DUSP16: variants seen among roughly 807,000 people sequenced by gnomAD.
DUSP16 encodes the protein dual specificity phosphatase 16.
A neutral mutation model predicts 58.3 loss-of-function variants in DUSP16; 21 were observed. The observed-to-expected ratio is 0.36, with a 90% CI of 0.26 to 0.52. The LOEUF (loss-of-function observed/expected upper bound fraction) is 0.52, where lower values mean the gene tolerates loss of function less well. Ranked by LOEUF, DUSP16 falls within the 20% of genes least tolerant of loss-of-function variation. DUSP16 has a pLI of 0.94. For synonymous variants in DUSP16, 320 were observed against 323.8 expected (o/e 0.99, Z 0.12); for missense variants, 726 against 819.0 (o/e 0.89, Z 1.39).
In DUSP16 at chr12:12,519,817, G is replaced by A. The variant is rs750946323; in HGVS notation, c.367+45C>T. The A allele has an allele frequency of 2.5e-6, 4 of 1,606,768 alleles. No homozygotes were observed. The South Asian group carries it at 4.4e-5, about 18-fold the overall frequency. On this transcript the variant is annotated intron_variant, in intron 3 of 6. Coordinates refer to ENST00000298573, the MANE Select transcript of DUSP16 (RefSeq NM_030640.3). ...ACAGTGAAATATGCTTACTCATACA[G>A]CTCAGCAAGATTCTGAGTCCTTTTA...
intron 1 of DUSP16, among the ~76,000 whole-genome samples, chr12:12,534,950 T>C (rs1427003927): frequency 1.3e-5 from 2 of 152,242 alleles, no homozygotes; most frequent in Admixed American, 1.3e-4. Flanking sequence ...ATGTTCCAGA[T>C]ACTAAGTCAG....
intron 1 of DUSP16, among the ~76,000 whole-genome samples, chr12:12,545,409 G>A (rs545806327): frequency 1.0e-3 from 156 of 151,662 alleles, no homozygotes; most frequent in Non-Finnish European, 1.7e-3. Context: ...TGGGGCTACA[G>A]GTGTGCACCA....
intron 4 of DUSP16, among the ~76,000 whole-genome samples, chr12:12,497,864 G>A (rs949938181): frequency 6.6e-6 from 1 of 152,012 alleles, no homozygotes; most frequent in East Asian, 1.9e-4. Context: ...CAGCTACTCG[G>A]GAGGCTGAGG....
chr12:12,478,779 C>G lies in DUSP16; in HGVS notation c.816-764G>C, dbSNP rs143335204. On this transcript the variant is annotated intron_variant, in intron 6 of 6. Coordinates refer to ENST00000298573, the MANE Select transcript of DUSP16 (RefSeq NM_030640.3). ...TAAAGTCACCAGTCACTTCTCAAGA[C>G]AGTTCACATTTTAAATTTAATGACA... Among the ~76,000 whole-genome samples the G allele has an allele frequency of 2.0e-5, 3 of 152,338 alleles. No homozygotes were observed. The East Asian group carries it at 5.8e-4, about 29-fold the overall frequency.
chr12:12,520,027 G>A (rs375637991), intron 2 of DUSP16, 27 bp from the exon 3 acceptor site: 360 of 1,613,288 alleles, frequency 2.2e-4, no homozygotes, highest in Admixed American at 3.2e-4. Flanking sequence ...AGGCTTGTTA[G>A]GAAGAAGGTG....
At chr12:12,484,693 C>T (rs1052905449) in intron 5 of DUSP16, among the ~76,000 whole-genome samples, 6 of 152,088 alleles carry the variant, frequency 3.9e-5, no homozygotes, top group African/African-American at 1.4e-4. Flanking sequence ...GTGGTCTCGG[C>T]TCACTGCAAC....
intron 3 of DUSP16, among the ~76,000 whole-genome samples, chr12:12,513,581 A>C (rs1944107500): frequency 6.6e-6 from 1 of 152,146 alleles, no homozygotes; most frequent in Admixed American, 6.5e-5. Context: ...GAAAGGGCTG[A>C]AGTCTGTGGT....
At chr12:12,507,783 A>G (rs900821303) in intron 3 of DUSP16, among the ~76,000 whole-genome samples, 1 of 152,160 alleles carries the variant, frequency 6.6e-6, no homozygotes, top group African/African-American at 2.4e-5. Context: ...CTAATTTTGT[A>G]TTGTTAGTAA....
intron 1 of DUSP16, among the ~76,000 whole-genome samples, chr12:12,542,620 G>A (rs960155846): frequency 4.0e-5 from 6 of 151,734 alleles, no homozygotes; most frequent in Admixed American, 1.3e-4. Context: ...CGAATTTTAC[G>A]ACTGAAATTA....
intron 1 of DUSP16, among the ~76,000 whole-genome samples, chr12:12,550,272 C>CAA (rs35519025): frequency 1.2e-4 from 12 of 97,430 alleles, no homozygotes; most frequent in African/African-American, 3.9e-4. Flanking sequence ...GACTCCGTCT[C>CAA]AAAAAAAAAA....
At chr12:12,483,781 A>C (rs1284734982) in intron 5 of DUSP16, among the ~76,000 whole-genome samples, 1 of 152,038 alleles carries the variant, frequency 6.6e-6, no homozygotes, top group South Asian at 2.1e-4. Context: ...CTAAAAGACA[A>C]AACTCCACAT....
chr12:12,556,853 A>G (rs539721740), intron 1 of DUSP16, among the ~76,000 whole-genome samples: 1 of 152,346 alleles, frequency 6.6e-6, no homozygotes, highest in East Asian at 1.9e-4. Flanking sequence ...CATAGGGACA[A>G]GAGTTGAACA....
chr12:12,505,041 GT>G (rs1245140209), intron 3 of DUSP16, among the ~76,000 whole-genome samples: 2 of 152,086 alleles, frequency 1.3e-5, no homozygotes, highest in African/African-American at 4.8e-5. Context: ...CACTTACTGC[GT>G]GACAAACATT....
At chr12:12,534,333 A>G (rs978008708) in intron 1 of DUSP16, among the ~76,000 whole-genome samples, 3 of 152,202 alleles carry the variant, frequency 2.0e-5, no homozygotes, top group Admixed American at 6.5e-5. Context: ...CTGTATCAGG[A>G]GCAAAGTACC....
Position 12,477,812 on chromosome 12 carries a change from G to C in DUSP16, c.1019C>G (p.Pro340Arg), listed in dbSNP as rs1312159445. The C allele has an allele frequency of 2.5e-6, 4 of 1,614,030 alleles. No homozygotes were observed. The highest frequency in any genetic ancestry group is 8.5e-7 in the Non-Finnish European group (1 of 1,180,040). ...CTCTGAGGTAGCAGAGTCGGCACAG[G>C]GTGGACTGAGGGGCGTCTCGCTTTT... ...GQKSETPLSP[P>R]CADSATSEAA... Residue 340 changes from proline (P) to arginine (R), a missense_variant, in exon 7 of 7, where the codon CCC (proline) becomes CGC (arginine). Coordinates refer to ENST00000298573, the MANE Select transcript of DUSP16 (RefSeq NM_030640.3). This position sits in a 1 kb window ranked among gnomAD's most constrained non-coding sequence, Gnocchi z 4.1.
At chr12:12,555,013 A>G (rs919876173) in intron 1 of DUSP16, among the ~76,000 whole-genome samples, 14 of 152,260 alleles carry the variant, frequency 9.2e-5, no homozygotes, top group Non-Finnish European at 1.5e-4. Flanking sequence ...CAACCAAACA[A>G]TAACAACAAA....
rs1943401564 is a variant in DUSP16 at position 12,475,168 on chromosome 12, G to C, written c.*1665C>G. ...TTCTCAAAAACAGAGAAAAACCTGA[G>C]ATACGAGGCAGCAACTAGCGACACT... On this transcript the variant is annotated 3_prime_UTR_variant, in exon 7 of 7. Coordinates refer to ENST00000298573, the MANE Select transcript of DUSP16 (RefSeq NM_030640.3). 1 of 152,134 alleles carries C rather than the reference G, an allele frequency of 6.6e-6. No individual in the cohort carries two copies. The highest frequency in any genetic ancestry group is 1.5e-5 in the Non-Finnish European group (1 of 68,048). The allele number at this position is 152,134 out of a possible 1,614,324, so 9.4% of individuals were successfully genotyped here. A position where few individuals can be genotyped will look rare whatever the true frequency, so the allele number is the denominator to read the frequency against.
chr12:12,524,654 G>A (rs78988254), intron 1 of DUSP16, among the ~76,000 whole-genome samples: 1 of 152,010 alleles, frequency 6.6e-6, no homozygotes, highest in African/African-American at 2.4e-5. Flanking sequence ...TAAGTCAAGG[G>A]GAATAAAAAT....
intron 3 of DUSP16, among the ~76,000 whole-genome samples, chr12:12,507,884 C>T (rs1944021980): frequency 6.6e-6 from 1 of 152,266 alleles, no homozygotes; most frequent in South Asian, 2.1e-4. Context: ...GCTGGGATTA[C>T]AGGCGTGAGC....
Sources: gnomAD v4.1 joint callset for allele counts (sites outside exome capture counted in the v4.1 genomes callset) on GRCh38, gnomAD v4.1.1 for gene constraint, Gnocchi (gnomAD v3.1) non-coding constraint, MANE v1.5 for transcripts, NCBI Gene and HGNC (gene_info 2026-07-23, HGNC 2026-07-21) for gene names.